The following ZNF407 variants were observed in gnomAD, a reference collection of about 807,000 sequenced individuals.
The protein encoded by ZNF407 is zinc finger protein 407.
In ZNF407, 17 loss-of-function variants were observed where a neutral mutation model predicts 131.2. The observed-to-expected ratio is 0.13, with a 90% CI of 0.09 to 0.19. The LOEUF is 0.19. ZNF407 is among the 10% of genes least tolerant of loss of function. The pLI is 1.00. For synonymous variants in ZNF407, 1,156 were observed against 1,062.0 expected, an observed-to-expected ratio of 1.09 and a Z score of -1.72; for missense variants, 2,681 against 2,830.6, an observed-to-expected ratio of 0.95 and a Z score of 1.20.
intron 8 of ZNF407, among the ~76,000 whole-genome samples, chr18:75,030,049 A>G (rs1350780852): frequency 6.6e-6 from 1 of 152,210 alleles, no homozygotes; most frequent in African/African-American, 2.4e-5. Context: ...ATATAGTCCA[A>G]TTAAGAGTTA....
chr18:75,055,802 T>G (rs746282296), intron 8 of ZNF407, among the ~76,000 whole-genome samples: 1 of 152,190 alleles, frequency 6.6e-6, no homozygotes, highest in Non-Finnish European at 1.5e-5. Context: ...CCCATGGCAA[T>G]TAAGAAAAAG....
intron 3 of ZNF407, among the ~76,000 whole-genome samples, chr18:74,765,227 G>T (rs1368186612): frequency 6.6e-6 from 1 of 152,016 alleles, no homozygotes; most frequent in Non-Finnish European, 1.5e-5. Context: ...TTGTTTTATT[G>T]TTCCCTAATT....
chr18:74,931,323 C>A (rs1397189884), intron 8 of ZNF407, among the ~76,000 whole-genome samples: 1 of 152,050 alleles, frequency 6.6e-6, no homozygotes, highest in African/African-American at 2.4e-5. Flanking sequence ...GGACTTGTAT[C>A]CAGAATATAC....
chr18:74,804,446 G>T, intron 4 of ZNF407: 1 of 991,870 alleles, frequency 1.0e-6, no homozygotes, highest in Admixed American at 5.8e-5. Flanking sequence ...TGACTTCAGA[G>T]AAGTCTTTCG....
At chr18:74,692,372 G>A (rs901781607) in intron 3 of ZNF407, among the ~76,000 whole-genome samples, 2 of 152,042 alleles carry the variant, frequency 1.3e-5, no homozygotes, top group African/African-American at 4.8e-5. Context: ...CGTGTTATTG[G>A]TTGGCTCCCA....
intron 8 of ZNF407, among the ~76,000 whole-genome samples, chr18:74,952,315 A>T (rs1231991005): frequency 6.6e-6 from 1 of 152,142 alleles, no homozygotes; most frequent in Non-Finnish European, 1.5e-5. Flanking sequence ...GCCATCCCTG[A>T]TATTATCCCT....
chr18:74,624,040 T>C (rs576575302), intron 1 of ZNF407, among the ~76,000 whole-genome samples: 2 of 152,218 alleles, frequency 1.3e-5, no homozygotes, highest in Non-Finnish European at 2.9e-5. Context: ...GAAACCTTAC[T>C]GTGGGAAGAA....
chr18:74,741,546 G>A (rs917155179), intron 3 of ZNF407, among the ~76,000 whole-genome samples: 1 of 152,040 alleles, frequency 6.6e-6, no homozygotes, highest in Non-Finnish European at 1.5e-5. Context: ...AAAGGATGGT[G>A]TTCTATGTTA....
At chr18:74,894,343 G>T (rs1971424896) in intron 7 of ZNF407, among the ~76,000 whole-genome samples, 1 of 151,688 alleles carries the variant, frequency 6.6e-6, no homozygotes, top group South Asian at 2.1e-4. Context: ...AAATTCTTTA[G>T]ATTTGTTTCT....
chr18:74,676,526 T>C (rs1224090918), intron 3 of ZNF407, among the ~76,000 whole-genome samples: 3 of 149,170 alleles, frequency 2.0e-5, no homozygotes, highest in Middle Eastern at 3.4e-3. Flanking sequence ...AAGCTCCGCC[T>C]CCCGGGTTCA....
At chr18:74,882,814 T>C (rs2145187485) in intron 6 of ZNF407, among the ~76,000 whole-genome samples, 1 of 152,318 alleles carries the variant, frequency 6.6e-6, no homozygotes, top group East Asian at 1.9e-4. Flanking sequence ...TGTGATAAAG[T>C]TGGAAATTGG....
chr18:74,774,163 A>G (rs1457977088), intron 3 of ZNF407, among the ~76,000 whole-genome samples: 1 of 152,236 alleles, frequency 6.6e-6, no homozygotes, highest in Non-Finnish European at 1.5e-5. Context: ...GAGTCCAGAT[A>G]AAGTGCTTTA....
chr18:74,999,562 T>C (rs1972821409), intron 8 of ZNF407, among the ~76,000 whole-genome samples: 1 of 152,154 alleles, frequency 6.6e-6, no homozygotes, highest in Non-Finnish European at 1.5e-5. Context: ...GGAATATTGC[T>C]CACGAATGTG....
At chr18:74,873,720 A>C (rs1181710688) in intron 4 of ZNF407, among the ~76,000 whole-genome samples, 2 of 152,074 alleles carry the variant, frequency 1.3e-5, no homozygotes, top group African/African-American at 4.8e-5. Context: ...CTTAAAAAAA[A>C]AAAAAAGGAA....
chr18:74,939,113 A>G (rs564959776), intron 8 of ZNF407, among the ~76,000 whole-genome samples: 5 of 152,324 alleles, frequency 3.3e-5, no homozygotes, highest in South Asian at 2.1e-4. Context: ...TTGATCACAT[A>G]TATTTATAAT....
intron 5 of ZNF407, among the ~76,000 whole-genome samples, chr18:74,879,649 A>C (rs1971211766): frequency 2.0e-5 from 3 of 152,216 alleles, no homozygotes; most frequent in Non-Finnish European, 2.9e-5. Context: ...TGAAATAATA[A>C]TACCAAGGAA....
chr18:74,653,292 A>G (rs896203396), intron 3 of ZNF407, among the ~76,000 whole-genome samples: 1 of 151,848 alleles, frequency 6.6e-6, no homozygotes, highest in East Asian at 1.9e-4. Flanking sequence ...AATCTCTTTA[A>G]AAGTTTATTT....
rs929265077 is a variant in ZNF407 at position 74,962,157 on chromosome 18, A to G, written c.5428+41465A>G. Reference sequence around the variant, plus strand: ...GTCAGTGGTGTGTTTGCTCATCACTATCTGTATCCTATACATCAGGGACAT... The same window carrying G: ...GTCAGTGGTGTGTTTGCTCATCACTGTCTGTATCCTATACATCAGGGACAT... On this transcript the variant is annotated intron_variant, in intron 8 of 8. Transcript: ENST00000299687. Among the ~76,000 whole-genome samples, 110 of 152,260 alleles carry G rather than the reference A, an allele frequency of 7.2e-4. 1 individual carries two copies. The highest frequency in any genetic ancestry group is 3.5e-3 in the East Asian group (18 of 5,180).
chr18:74,659,701 A>C (rs925018484), intron 3 of ZNF407, among the ~76,000 whole-genome samples: 1 of 152,164 alleles, frequency 6.6e-6, no homozygotes, highest in Non-Finnish European at 1.5e-5. Context: ...AGTTAGCGGC[A>C]AAGTAAATGG....
Sources: allele counts gnomAD v4.1 joint callset (sites outside exome capture counted in the v4.1 genomes callset), GRCh38; gene constraint gnomAD v4.1.1; transcripts MANE v1.5; gene names NCBI Gene and HGNC (gene_info 2026-07-23, HGNC 2026-07-21).